The following E2F3 variants were observed in gnomAD, a reference collection of about 807,000 sequenced individuals.
E2F3 encodes transcription factor E2F3.
Under a neutral mutation model 44.4 loss-of-function variants are expected in E2F3, and 11 were observed. The observed-to-expected ratio is 0.25, with a 90% confidence interval of 0.16 to 0.41. The LOEUF (loss-of-function observed/expected upper bound fraction) is 0.41, where lower values mean the gene tolerates loss of function less well. Ranked by LOEUF, E2F3 falls within the 10% of genes least tolerant of loss-of-function variation. E2F3 has a pLI of 1.00. For missense variants in E2F3, 487 were observed against 583.6 expected, an observed-to-expected ratio of 0.83 and a Z score of 1.70; for synonymous variants, 249 against 253.0, an observed-to-expected ratio of 0.98 and a Z score of 0.15.
chr6:20,436,434 A>G (rs1023971011), intron 1 of E2F3, among the ~76,000 whole-genome samples: 5 of 151,398 alleles, frequency 3.3e-5, no homozygotes, highest in Non-Finnish European at 5.9e-5. Context: ...AACACTAACA[A>G]TAGCTGATGA....
Position 20,481,279 on chromosome 6 carries a change from C to A in E2F3, c.579C>A (p.Leu193=), listed in dbSNP as rs1427046065. ...TGCTCACCAAGAAGTTCATTCAGCT[C>A]CTGAGCCAGTCACCCGATGGGGTAT... The part of the protein sequence containing the change: ...LGLLTKKFIQ[L]LSQSPDGVLD... The change falls in exon 3 of 7, where the codon CTC becomes CTA. Residue 193 remains leucine, a synonymous_variant. Transcript: ENST00000346618. 1.9e-6 allele frequency: 3 copies of A among 1,613,944 alleles called. No homozygotes were observed. The highest frequency in any genetic ancestry group is 1.3e-5 in the African/African-American group (1 of 74,868).
intron 1 of E2F3, among the ~76,000 whole-genome samples, chr6:20,441,758 GC>G (rs1760783148): frequency 6.7e-6 from 1 of 148,636 alleles, no homozygotes; most frequent in Non-Finnish European, 1.5e-5. Flanking sequence ...AGTACAGACA[GC>G]GTTTCACTGT....
intron 1 of E2F3, among the ~76,000 whole-genome samples, chr6:20,422,982 G>A (rs1302754457): frequency 6.6e-6 from 1 of 152,212 alleles, no homozygotes; most frequent in African/African-American, 2.4e-5. Context: ...ATGCAGGGTT[G>A]TCACAAACCT....
chr6:20,420,093 A>G (rs1213856857), intron 1 of E2F3, among the ~76,000 whole-genome samples: 3 of 151,934 alleles, frequency 2.0e-5, no homozygotes, highest in Non-Finnish European at 4.4e-5. Context: ...TCCTTATTTT[A>G]CTTGTATGTT....
chr6:20,452,713 G>A (rs1034283195), intron 1 of E2F3, among the ~76,000 whole-genome samples: 1 of 152,160 alleles, frequency 6.6e-6, no homozygotes, highest in African/African-American at 2.4e-5. Context: ...ACTTTGGGAG[G>A]CTGAGGAGGG....
At chr6:20,441,838 G>GATT (rs1425375449) in intron 1 of E2F3, among the ~76,000 whole-genome samples, 1 of 151,136 alleles carries the variant, frequency 6.6e-6, no homozygotes, top group East Asian at 1.9e-4. Flanking sequence ...AACGTGCTGG[G>GATT]ATTATAGGCA....
intron 1 of E2F3, among the ~76,000 whole-genome samples, chr6:20,436,233 G>C (rs1273116053): frequency 6.6e-6 from 1 of 152,026 alleles, no homozygotes; most frequent in Admixed American, 6.6e-5. Flanking sequence ...CACCTGCCTC[G>C]GCCTCCCAAA....
chr6:20,402,242 G>A lies in E2F3; in HGVS notation c.10G>A (p.Gly4Arg), dbSNP rs150636853. 57 of 1,591,700 alleles carry A rather than the reference G, an allele frequency of 3.6e-5. No individual in the cohort carries two copies. The highest frequency in any genetic ancestry group is 4.9e-5 in the Non-Finnish European group (57 of 1,174,208). Residue 4 changes from glycine (G) to arginine (R), a missense_variant, in exon 1 of 7, where the codon GGA (glycine) becomes AGA (arginine). Around this residue, in one of 3 missense-constraint regions of E2F3, gnomAD observed 238 missense variants for 236.0 expected, o/e 1.01. Coordinates refer to ENST00000346618, the MANE Select transcript of E2F3 (RefSeq NM_001949.5). This position sits in a 1 kb window ranked among gnomAD's most constrained non-coding sequence, Gnocchi z 5.6. MRK[G>R]IQPALEQYLV... ...AGAGCAGGAGCGAGAGATGAGAAAGGGAATCCAGCCCGCTCTGGAGCAGTA... is the reference window on the plus strand; with the variant it reads ...AGAGCAGGAGCGAGAGATGAGAAAGAGAATCCAGCCCGCTCTGGAGCAGTA...
At chr6:20,483,170 T>C (rs1425712834) in intron 4 of E2F3, among the ~76,000 whole-genome samples, 1 of 152,100 alleles carries the variant, frequency 6.6e-6, no homozygotes, top group Non-Finnish European at 1.5e-5. Context: ...TGATACCAGG[T>C]GGGAACTGTT....
intron 1 of E2F3, among the ~76,000 whole-genome samples, chr6:20,462,857 CTCTTTTT>C (rs1561873234): frequency 4.6e-5 from 5 of 107,532 alleles, no homozygotes; most frequent in African/African-American, 1.0e-4. Flanking sequence ...TTCTCTCTCT[CTCTTTTT>C]TTTTTTTTTT....
chr6:20,469,969 G>A (rs1053722656), intron 1 of E2F3, among the ~76,000 whole-genome samples: 1 of 152,152 alleles, frequency 6.6e-6, no homozygotes, highest in African/African-American at 2.4e-5. Flanking sequence ...CACTAGGAGT[G>A]CATTTAGCTT....
chr6:20,493,070 A>T lies in E2F3; in HGVS notation c.*2640A>T, dbSNP rs1348726818. 2 of 218,564 alleles carry T rather than the reference A, an allele frequency of 9.2e-6. No homozygotes were observed. Among genetic ancestry groups the T allele is most frequent in the African/African-American group, 4.5e-5 (2 of 44,570 alleles). 13.5% of individuals were successfully genotyped at this position (218,564 alleles called of 1,614,324 possible). On this transcript the variant is annotated 3_prime_UTR_variant, in exon 7 of 7. Coordinates refer to ENST00000346618, the MANE Select transcript of E2F3 (RefSeq NM_001949.5). ...TGTGTTTATATGTACAGAGTTGTGC[A>T]TAGCAATCGTTTTATTTAAGTTGAT... is the stretch of plus-strand genomic sequence containing the variant.
intron 1 of E2F3, chr6:20,445,100 G>A: frequency 2.0e-6 from 2 of 985,412 alleles, no homozygotes; most frequent in South Asian, 4.7e-5. Context: ...CTGGAGAGTC[G>A]AGAGCGGGTC....
chr6:20,411,821 C>A (rs1417471909), intron 1 of E2F3, among the ~76,000 whole-genome samples: 3 of 152,208 alleles, frequency 2.0e-5, no homozygotes, highest in African/African-American at 7.2e-5. Flanking sequence ...TCCTGTAACA[C>A]CTCATGGTCT....
intron 4 of E2F3, among the ~76,000 whole-genome samples, chr6:20,483,707 C>G (rs1762305280): frequency 6.6e-6 from 1 of 152,174 alleles, no homozygotes; most frequent in Admixed American, 6.5e-5. Context: ...TCAAACAAGA[C>G]TTGCCAATAT....
intron 3 of E2F3, among the ~76,000 whole-genome samples, chr6:20,481,968 T>C (rs1762238080): frequency 6.6e-6 from 1 of 152,158 alleles, no homozygotes; most frequent in East Asian, 1.9e-4. Context: ...GCATGATACT[T>C]ATACAGCCAC....
At chr6:20,489,371 C>T (rs1762491101) in intron 6 of E2F3, among the ~76,000 whole-genome samples, 1 of 151,900 alleles carries the variant, frequency 6.6e-6, no homozygotes, top group Admixed American at 6.6e-5. Context: ...GCTGGGGTGG[C>T]AGGATCGCTT....
intron 1 of E2F3, chr6:20,438,125 T>G (rs1760653821): frequency 6.6e-6 from 1 of 152,256 alleles, no homozygotes; most frequent in Non-Finnish European, 1.5e-5. Flanking sequence ...GCTTTGCTTC[T>G]GCAAATCTGA....
At chr6:20,403,572 C>T (rs996082292) in intron 1 of E2F3, 24 of 445,378 alleles carry the variant, frequency 5.4e-5, no homozygotes, top group Non-Finnish European at 8.4e-5. Flanking sequence ...GGGGAGGAGG[C>T]GGCGGCGGGA....
Sources: gnomAD v4.1 joint callset for allele counts (sites outside exome capture counted in the v4.1 genomes callset) on GRCh38, gnomAD v4.1.1 for gene constraint, gnomAD v4.1.1 regional missense constraint, Gnocchi (gnomAD v3.1) non-coding constraint, MANE v1.5 for transcripts, NCBI Gene and HGNC (gene_info 2026-07-23, HGNC 2026-07-21) for gene names.